RARB: variants seen among roughly 807,000 people sequenced by gnomAD.
RARB encodes the protein HBV-activated protein.
Under a neutral mutation model 51.9 loss-of-function variants are expected in RARB, and 17 were observed. The observed-to-expected ratio is 0.33, with a 90% CI of 0.22 to 0.49. RARB has a LOEUF of 0.49. RARB is among the 20% of genes least tolerant of loss of function. The pLI is 0.99. For missense variants in RARB, 369 were observed against 550.8 expected (o/e 0.67, Z 3.30); for synonymous variants, 215 against 195.4 (o/e 1.10, Z -0.84).
At chr3:25,285,953 C>CA (rs1703640186) in intron 5 of RARB, among the ~76,000 whole-genome samples, 1 of 152,082 alleles carries the variant, frequency 6.6e-6, no homozygotes, top group South Asian at 2.1e-4. Context: ...AACACAAACT[C>CA]AAAAAATTGT....
intron 5 of RARB, among the ~76,000 whole-genome samples, chr3:25,312,454 T>G (rs1224407410): frequency 1.3e-5 from 2 of 152,146 alleles, no homozygotes; most frequent in Non-Finnish European, 2.9e-5. Flanking sequence ...GGACTGAAAC[T>G]TCAGACCTTC....
intron 2 of RARB, among the ~76,000 whole-genome samples, chr3:24,909,491 A>G (rs530378965): frequency 1.3e-5 from 2 of 152,184 alleles, no homozygotes; most frequent in Non-Finnish European, 2.9e-5. Context: ...CCTGTCTCCT[A>G]CGTTCCTCCT....
chr3:24,993,828 G>C (rs1351986711), intron 2 of RARB, among the ~76,000 whole-genome samples: 1 of 152,078 alleles, frequency 6.6e-6, no homozygotes, highest in East Asian at 1.9e-4. Context: ...TGCCACAAAA[G>C]ACAGGATTTC....
At chr3:25,366,110 A>T (rs1706111290) in intron 5 of RARB, among the ~76,000 whole-genome samples, 1 of 152,210 alleles carries the variant, frequency 6.6e-6, no homozygotes, top group African/African-American at 2.4e-5. Context: ...CATTCGTTCA[A>T]GGCCTTTATG....
At chr3:25,041,220 G>A (rs1039281541) in intron 2 of RARB, among the ~76,000 whole-genome samples, 84 of 152,094 alleles carry the variant, frequency 5.5e-4, no homozygotes, top group African/African-American at 1.9e-3. Context: ...AAGGCCTGGG[G>A]GATGTCACTT....
chr3:25,274,988 G>A (rs887032708), intron 5 of RARB, among the ~76,000 whole-genome samples: 5 of 152,268 alleles, frequency 3.3e-5, no homozygotes, highest in South Asian at 4.1e-4. Flanking sequence ...GCTATGTAAG[G>A]ATACTTAGCT....
chr3:25,208,083 A>G (rs1241819089), intron 5 of RARB, among the ~76,000 whole-genome samples: 2 of 151,998 alleles, frequency 1.3e-5, no homozygotes, highest in East Asian at 3.9e-4. Context: ...ATGAGTACTC[A>G]CTCATTATTG....
chr3:24,904,160 A>T (rs778833448), intron 2 of RARB, among the ~76,000 whole-genome samples: 1 of 152,198 alleles, frequency 6.6e-6, no homozygotes, highest in Non-Finnish European at 1.5e-5. Context: ...CAGTTGAGCG[A>T]GTTCTTTAAC....
chr3:25,401,719 A>C (rs777680136), intron 5 of RARB, among the ~76,000 whole-genome samples: 6 of 152,232 alleles, frequency 3.9e-5, no homozygotes, highest in Non-Finnish European at 7.3e-5. Flanking sequence ...AGACGGAAGC[A>C]CAAACAGATA....
At chr3:24,871,511 C>CA (rs1459791227) in intron 2 of RARB, among the ~76,000 whole-genome samples, 5 of 152,094 alleles carry the variant, frequency 3.3e-5, no homozygotes, top group African/African-American at 1.2e-4. Context: ...CTTCTTCTCC[C>CA]AAAATCTATA....
intron 2 of RARB, among the ~76,000 whole-genome samples, chr3:24,897,691 C>A (rs1394014304): frequency 6.6e-6 from 1 of 151,392 alleles, no homozygotes; most frequent in African/African-American, 2.4e-5. Flanking sequence ...AATCTTAAAA[C>A]CAGAGTGCCT....
At chr3:24,891,869 G>A (rs1365043190) in intron 2 of RARB, among the ~76,000 whole-genome samples, 3 of 129,446 alleles carry the variant, frequency 2.3e-5, no homozygotes, top group African/African-American at 4.9e-5. Flanking sequence ...CCTAGAGCCC[G>A]GGGCATACCC....
chr3:25,365,417 A>G (rs142626772), intron 5 of RARB, among the ~76,000 whole-genome samples: 3 of 151,764 alleles, frequency 2.0e-5, no homozygotes, highest in Non-Finnish European at 4.4e-5. Context: ...TGTCTCATCC[A>G]TGCTTTCTAC....
At chr3:25,206,856 A>G (rs111983557) in intron 5 of RARB, among the ~76,000 whole-genome samples, 63 of 152,282 alleles carry the variant, frequency 4.1e-4, no homozygotes, top group Non-Finnish European at 9.0e-4. Context: ...ACTGATGACT[A>G]CCTGAGTGCT....
intron 2 of RARB, among the ~76,000 whole-genome samples, chr3:24,975,066 A>T (rs1442303013): frequency 6.6e-6 from 1 of 152,156 alleles, no homozygotes; most frequent in Non-Finnish European, 1.5e-5. Context: ...AATTGAGTTG[A>T]AATGAGTTCC....
At chr3:24,882,821 T>C (rs1278027923) in intron 2 of RARB, among the ~76,000 whole-genome samples, 1 of 152,188 alleles carries the variant, frequency 6.6e-6, no homozygotes, top group Non-Finnish European at 1.5e-5. Context: ...TTAACCAGCA[T>C]GGGAAATCCC....
chr3:25,454,934 T>A (rs566154990), intron 1 of RARB, among the ~76,000 whole-genome samples: 269 of 152,364 alleles, frequency 1.8e-3, no homozygotes, highest in Non-Finnish European at 3.4e-3. Flanking sequence ...CTTTTGGGAA[T>A]GAATCAACCC....
At chr3:24,998,791 C>G (rs1477440883) in intron 2 of RARB, among the ~76,000 whole-genome samples, 1 of 147,222 alleles carries the variant, frequency 6.8e-6, no homozygotes, top group African/African-American at 2.5e-5. Flanking sequence ...TTCAAAAATC[C>G]AAATTCCTGT....
At chr3:25,535,302 G>C (rs1699093189) in intron 3 of RARB, among the ~76,000 whole-genome samples, 1 of 152,052 alleles carries the variant, frequency 6.6e-6, no homozygotes, top group Admixed American at 6.6e-5. Flanking sequence ...TGTCAGGGCA[G>C]TATTGTCTGG....
Sources: gnomAD v4.1 joint callset for allele counts (sites outside exome capture counted in the v4.1 genomes callset) on GRCh38, gnomAD v4.1.1 for gene constraint, MANE v1.5 for transcripts, NCBI Gene and HGNC (gene_info 2026-07-23, HGNC 2026-07-21) for gene names.